The following TMEM255A variants were observed in gnomAD, a reference collection of about 807,000 sequenced individuals.
The protein encoded by TMEM255A is transmembrane protein 255A.
A neutral mutation model predicts 23.5 loss-of-function variants in TMEM255A; 14 were observed. That is an observed-to-expected ratio of 0.60 (90% CI 0.39 to 0.93). TMEM255A has a LOEUF of 0.93. Among genes scored for constraint, TMEM255A ranks in the 40% least tolerant of loss-of-function variants. The pLI is 0.00. For missense variants in TMEM255A, 233 were observed against 261.7 expected (o/e 0.89, Z 0.76); for synonymous variants, 104 against 100.3 (o/e 1.04, Z -0.22).
chrX:120,285,388 A>T (rs782251306), intron 5 of TMEM255A, among the ~76,000 whole-genome samples, 173 bp from the exon 6 acceptor site: 2 of 111,683 alleles, frequency 1.8e-5, no homozygotes, highest in South Asian at 7.6e-4. Flanking sequence ...CTTGTGCATG[A>T]GGCAAGTCAC....
intron 2 of TMEM255A, among the ~76,000 whole-genome samples, chrX:120,298,916 A>G (rs2147215523): frequency 9.2e-6 from 1 of 108,653 alleles, no homozygotes; most frequent in South Asian, 4.2e-4. Context: ...ATCAGGGAGG[A>G]TATTCTAGGC....
chrX:120,299,724 T>C (rs917818439), intron 2 of TMEM255A, among the ~76,000 whole-genome samples: 6 of 112,342 alleles, frequency 5.3e-5, no homozygotes, highest in African/African-American at 1.9e-4. Flanking sequence ...TCACCTCCTG[T>C]TGAAAATCTT....
chrX:120,279,610 T>TA (rs2057823141), intron 6 of TMEM255A, among the ~76,000 whole-genome samples: 2 of 112,413 alleles, frequency 1.8e-5, no homozygotes, highest in African/African-American at 6.5e-5. Context: ...GGACTAGTAG[T>TA]ATATATAGGC....
In TMEM255A at chrX:120,260,020, C is replaced by G. The variant is rs962262723; in HGVS notation, c.*850G>C. 2.5e-5 allele frequency: 12 copies of G among 472,684 alleles called. No homozygotes were observed. The highest frequency in any genetic ancestry group is 3.1e-5 in the Non-Finnish European group (12 of 383,615). The allele number at this position is 472,684 out of a possible 1,213,427, so 39.0% of individuals were successfully genotyped here. A position where few individuals can be genotyped will look rare whatever the true frequency, so the allele number is the denominator to read the frequency against. On this transcript the variant is annotated 3_prime_UTR_variant, in exon 9 of 9. Coordinates refer to ENST00000371369, the MANE Select transcript of TMEM255A (RefSeq NM_001104544.3). The stretch of plus-strand genomic sequence containing the variant: ...CACAAAGATTAGTAACAATTCATAT[C>G]ACGACCCAAGAACCTAATTTATAAC...
chrX:120,280,941 C>G (rs1603401574), intron 6 of TMEM255A, among the ~76,000 whole-genome samples: 1 of 112,404 alleles, frequency 8.9e-6, no homozygotes, highest in Non-Finnish European at 1.9e-5. Flanking sequence ...TCTTCAAAGA[C>G]GCCACTACCC....
chrX:120,306,969 G>T (rs1425892495), intron 1 of TMEM255A, among the ~76,000 whole-genome samples: 1 of 112,387 alleles, frequency 8.9e-6, no homozygotes, highest in African/African-American at 3.2e-5. Flanking sequence ...GATAGGATTT[G>T]CTTTGGATAA....
chrX:120,292,807 G>C (rs782380649), intron 3 of TMEM255A, among the ~76,000 whole-genome samples: 1 of 110,222 alleles, frequency 9.1e-6, no homozygotes, highest in East Asian at 2.8e-4. Context: ...ACCTCAACAG[G>C]CTAGGAGGAA....
intron 2 of TMEM255A, among the ~76,000 whole-genome samples, chrX:120,301,690 C>G (rs2058034587): frequency 9.0e-6 from 1 of 110,850 alleles, no homozygotes. Flanking sequence ...TGCAGACCAA[C>G]TGAATCAGAA....
chrX:120,279,998 C>CTTTTTTTTTTTTTTTTT (rs59428362), intron 6 of TMEM255A, among the ~76,000 whole-genome samples: 5 of 38,224 alleles, frequency 1.3e-4, no homozygotes, highest in Non-Finnish European at 2.1e-4. Context: ...CCTTTTCTTT[C>CTTTTTTTTTTTTTTTTT]TTTTTTTTTT....
chrX:120,254,727 G>A, downstream of TMEM255A: 1 of 1,211,191 alleles, frequency 8.3e-7, no homozygotes, highest in African/African-American at 1.7e-5. Context: ...TGCAAATATC[G>A]GTGAAGATAC....
intron 2 of TMEM255A, among the ~76,000 whole-genome samples, chrX:120,296,930 A>ATATATATATTATATATAATAT (rs2057984120): frequency 1.7e-3 from 1 of 578 alleles, no homozygotes; most frequent in Admixed American, 0.043. Flanking sequence ...ATATAATATT[A>ATATATATATTATATATAATAT]TATATATAAT....
chrX:120,270,174 A>G (rs1341004327), intron 7 of TMEM255A, among the ~76,000 whole-genome samples: 4 of 111,566 alleles, frequency 3.6e-5, no homozygotes, highest in Non-Finnish European at 7.5e-5. Context: ...AGACTTAGTC[A>G]GGGATGGGGC....
intron 3 of TMEM255A, 70 bp downstream of exon 3, chrX:120,293,919 G>T: frequency 2.5e-6 from 2 of 794,715 alleles, no homozygotes; most frequent in South Asian, 2.1e-5. Flanking sequence ...TAAGAAATGT[G>T]TTACTTATCC....
At chrX:120,272,002 T>C (rs2057764603) in intron 7 of TMEM255A, among the ~76,000 whole-genome samples, 2 of 112,406 alleles carry the variant, frequency 1.8e-5, no homozygotes, top group African/African-American at 6.5e-5. Flanking sequence ...TATAAAGAAC[T>C]CTTACAACTC....
rs1292894579 is a variant in TMEM255A at position 120,259,247 on chromosome X, C to T, written c.*1623G>A. 6 of 112,638 alleles carry T rather than the reference C, an allele frequency of 5.3e-5. No individual in the cohort carries two copies. 9.3% of individuals were successfully genotyped at this position (112,638 alleles called of 1,213,427 possible). A position where few individuals can be genotyped will look rare whatever the true frequency, so the allele number is the denominator to read the frequency against. ...TGAAATCCAGTAGAATTTTAATATG[C>T]TCAGAACTGTAAAAAATCATAGTAA... On this transcript the variant is annotated 3_prime_UTR_variant, in exon 9 of 9. Transcript: ENST00000371369.
chrX:120,296,952 ATT>A (rs2057986152), intron 2 of TMEM255A, among the ~76,000 whole-genome samples: 1 of 3,014 alleles, frequency 3.3e-4, no homozygotes, highest in Non-Finnish European at 4.2e-4. Context: ...TTATATATAT[ATT>A]ATATATAATA....
At chrX:120,309,533 G>C (rs917751998) in intron 1 of TMEM255A, among the ~76,000 whole-genome samples, 15 of 112,887 alleles carry the variant, frequency 1.3e-4, no homozygotes, top group Non-Finnish European at 1.7e-4. Context: ...GTTGTCGTCC[G>C]CAGCGGGAAT....
chrX:120,252,196 A>G, the TMEM255A span, among the ~76,000 whole-genome samples: 1 of 111,728 alleles, frequency 9.0e-6, no homozygotes, highest in Non-Finnish European at 1.9e-5. Context: ...CCACCTGTAT[A>G]TAACTTAAGC....
rs139881478 is a variant in TMEM255A, at chrX:120,298,164, G to A, written c.202-4113C>T. 5.9e-3 allele frequency among the ~76,000 whole-genome samples: 659 copies of A among 111,118 alleles called. 4 individuals are homozygous for A. Among genetic ancestry groups the A allele is most frequent in the African/African-American group, 0.02 (622 of 30,530 alleles). ...AGATTCAAGGGCTTTTTTGAGGCTGGACTCTTGTCACCTATGCCTGTTCCC... is the reference window on the plus strand; with the variant it reads ...AGATTCAAGGGCTTTTTTGAGGCTGAACTCTTGTCACCTATGCCTGTTCCC... On this transcript the variant is annotated intron_variant, in intron 2 of 8. Coordinates refer to ENST00000371369, the MANE Select transcript of TMEM255A (RefSeq NM_001104544.3).
Sources: gnomAD v4.1 joint callset for allele counts (sites outside exome capture counted in the v4.1 genomes callset) on GRCh38, gnomAD v4.1.1 for gene constraint, MANE v1.5 for transcripts, NCBI Gene and HGNC (gene_info 2026-07-23, HGNC 2026-07-21) for gene names.